TRPM1: variants seen among roughly 807,000 people sequenced by gnomAD.
TRPM1 encodes transient receptor potential cation channel subfamily M member 1, also known as TRPM1-203 APA Isoform, Intron 10.
In TRPM1, 113 loss-of-function variants were observed where a neutral mutation model predicts 149.4. The observed-to-expected ratio is 0.76, with a 90% CI of 0.65 to 0.88. The LOEUF (loss-of-function observed/expected upper bound fraction) is 0.88, where lower values mean the gene tolerates loss of function less well. Among genes scored for constraint, TRPM1 ranks in the 40% least tolerant of loss-of-function variants. The pLI, the probability that TRPM1 is intolerant of heterozygous loss-of-function variation, is 0.00. For missense variants in TRPM1, 1,976 were observed against 2,038.7 expected (o/e 0.97, Z 0.59); for synonymous variants, 741 against 759.5 (o/e 0.98, Z 0.40).
At chr15:31,023,088 T>G (rs1033046019) in intron 27 of TRPM1, among the ~76,000 whole-genome samples, 3 of 152,188 alleles carry the variant, frequency 2.0e-5, no homozygotes, top group African/African-American at 7.2e-5. Context: ...GCTCTAGGTA[T>G]ATCATGGTGG....
upstream of TRPM1, among the ~76,000 whole-genome samples, chr15:31,103,706 G>C (rs1236203189): frequency 6.6e-6 from 1 of 151,522 alleles, no homozygotes; most frequent in Non-Finnish European, 1.5e-5. Context: ...CCAGCTACTC[G>C]GGAGGCTGAG....
At chr15:31,104,656 C>G (rs905382012), upstream of TRPM1, among the ~76,000 whole-genome samples, 14 of 140,718 alleles carry the variant, frequency 9.9e-5, no homozygotes. Flanking sequence ...TGCAGTGGCG[C>G]CATCTCGGCT....
At chr15:31,023,356 A>G (rs183042899) in intron 27 of TRPM1, among the ~76,000 whole-genome samples, 12 of 152,394 alleles carry the variant, frequency 7.9e-5, no homozygotes, top group African/African-American at 2.4e-4. Flanking sequence ...AAGATAGTGC[A>G]TGGCAAAGCC....
At chr15:31,008,733 G>T (rs1418993884) in intron 27 of TRPM1, among the ~76,000 whole-genome samples, 1 of 152,124 alleles carries the variant, frequency 6.6e-6, no homozygotes, top group Non-Finnish European at 1.5e-5. Context: ...TACAGTGGTT[G>T]TTTTAGGGAT....
chr15:31,047,319 AG>A (rs1296886475), intron 14 of TRPM1, 68 bp from the exon 15 acceptor site: 3 of 1,594,714 alleles, frequency 1.9e-6, no homozygotes, highest in Non-Finnish European at 2.6e-6. Context: ...TCACACGTCT[AG>A]GGGGTAAGTG....
At chr15:31,138,606 C>T (rs1201155990) in intron 1 of TRPM1, among the ~76,000 whole-genome samples, 1 of 151,966 alleles carries the variant, frequency 6.6e-6, no homozygotes, top group Non-Finnish European at 1.5e-5. Context: ...ACCTGTAATC[C>T]CAGCACTTTG....
At chr15:31,102,887 C>T (rs1245402913), upstream of TRPM1, among the ~76,000 whole-genome samples, 4 of 152,234 alleles carry the variant, frequency 2.6e-5, no homozygotes, top group Non-Finnish European at 5.9e-5. Context: ...TGGCCTGGCT[C>T]CCGAGTCTTC....
In TRPM1 at chr15:31,091,249, A is replaced by G. The variant is rs561478766; in HGVS notation, c.-83-9811T>C. The stretch of plus-strand genomic sequence containing the variant: ...GGAGATCGGACACAATGAGACAGAG[A>G]TGCTTCACTCCAGAACTCACAGCCC... On this transcript the variant is annotated intron_variant, in intron 1 of 27. Transcript: ENST00000256552. 9.2e-5 allele frequency among the ~76,000 whole-genome samples: 14 copies of G among 152,290 alleles called. No homozygotes were observed. The East Asian group carries it at 2.7e-3, about 29-fold the overall frequency.
chr15:31,116,428 C>T (rs139353091), intron 1 of TRPM1, among the ~76,000 whole-genome samples: 2,497 of 151,948 alleles, frequency 0.016, 80 homozygotes, highest in African/African-American at 0.057. Flanking sequence ...GCCAACACGG[C>T]GAAACCCCAT....
chr15:31,118,774 C>T (rs180866963), intron 1 of TRPM1, among the ~76,000 whole-genome samples: 27 of 152,214 alleles, frequency 1.8e-4, no homozygotes, highest in Admixed American at 7.2e-4. Context: ...GCTGGATCTC[C>T]GGTCTTTTCT....
At chr15:31,039,261 T>C (rs1479505995) in intron 18 of TRPM1, among the ~76,000 whole-genome samples, 1 of 152,180 alleles carries the variant, frequency 6.6e-6, no homozygotes, top group African/African-American at 2.4e-5. Context: ...ATGTAGGCGA[T>C]CTACTTTAGT....
rs371005282 is a variant in TRPM1, at chr15:31,063,247, C to G, written c.836G>C (p.Gly279Ala). Reference sequence around the variant, plus strand: ...CAAGACGATGGACACCACGTTAGGGCCCCCCTCCACCACGAGACCCACGAG... The same window carrying G: ...CAAGACGATGGACACCACGTTAGGGGCCCCCTCCACCACGAGACCCACGAG... ...VPLVGLVVEG[G>A]PNVVSIVLEY... is the part of the protein sequence containing the mutation. Residue 279 changes from glycine to alanine, a missense_variant, in exon 8 of 28, where the codon GGC becomes GCC. Gly to Ala is a moderately conservative substitution (Grantham distance 60). Coordinates refer to ENST00000256552, the MANE Select transcript of TRPM1 (RefSeq NM_001252024.2). 5.0e-6 allele frequency: 8 copies of G among 1,613,922 alleles called. No individual in the cohort carries two copies. The Admixed American group carries it at 1.0e-4, about 20-fold the overall frequency.
rs2036322478 is a variant in TRPM1, at chr15:31,152,892, C to T, written c.54+8014G>A. 2.0e-5 allele frequency among the ~76,000 whole-genome samples: 3 copies of T among 152,178 alleles called. No homozygotes were observed. In the South Asian group the frequency reaches 6.2e-4, roughly 32 times the overall value. ...TCCTAGGCTCAAGTGATCCTCTTGC[C>T]TCAGCCTCCTAAAGTGTTGGGATTA... On this transcript the variant is annotated intron_variant, in intron 1 of 26. Transcript: ENST00000542188.
At chr15:31,152,560 G>A (rs1489504501) in intron 1 of TRPM1, among the ~76,000 whole-genome samples, 2 of 152,170 alleles carry the variant, frequency 1.3e-5, no homozygotes, top group African/African-American at 2.4e-5. Flanking sequence ...AGGCCATGAC[G>A]GGAAGCAGGG....
At chr15:31,084,676 C>CA (rs1290453673) in intron 1 of TRPM1, among the ~76,000 whole-genome samples, 1 of 128,486 alleles carries the variant, frequency 7.8e-6, no homozygotes, top group Admixed American at 8.0e-5. Context: ...TTTTTCTTTT[C>CA]TTTTTTTTTT....
intron 12 of TRPM1, among the ~76,000 whole-genome samples, chr15:31,050,109 T>C (rs766197297): frequency 6.6e-6 from 1 of 152,260 alleles, no homozygotes; most frequent in Non-Finnish European, 1.5e-5. Context: ...TGTATATTCA[T>C]GCATCAAGCA....
At position 31,110,137 on chromosome 15, in the gene TRPM1, A is replaced by G. The variant is rs914168949; in HGVS notation, c.55-33153T>C. Reference sequence around the variant, plus strand: ...GTTGAATTCTTTACATATATTTAAAATAAGTTAGCACTACTACTACTAGCT... The same window carrying G: ...GTTGAATTCTTTACATATATTTAAAGTAAGTTAGCACTACTACTACTAGCT... On this transcript the variant is annotated intron_variant, in intron 1 of 26. Coordinates refer to the TRPM1 transcript ENST00000542188. 3.9e-5 allele frequency among the ~76,000 whole-genome samples: 6 copies of G among 152,342 alleles called. No homozygotes were observed. The South Asian group carries it at 1.0e-3, about 26-fold the overall frequency.
intron 1 of TRPM1, among the ~76,000 whole-genome samples, chr15:31,088,250 C>T (rs1242977947): frequency 1.3e-5 from 2 of 152,220 alleles, no homozygotes; most frequent in Non-Finnish European, 2.9e-5. Context: ...TAAAATGGAC[C>T]AATCAGCAGG....
upstream of TRPM1, among the ~76,000 whole-genome samples, chr15:31,103,870 T>C (rs1454161038): frequency 6.6e-6 from 1 of 151,208 alleles, no homozygotes; most frequent in African/African-American, 2.4e-5. Context: ...AAATTTAAAA[T>C]TGCCTCTGCT....
Sources: allele counts gnomAD v4.1 joint callset (sites outside exome capture counted in the v4.1 genomes callset), GRCh38; gene constraint gnomAD v4.1.1; transcripts MANE v1.5; gene names NCBI Gene and HGNC (gene_info 2026-07-23, HGNC 2026-07-21).